Variants in EYA4 observed in about 807,000 individuals in gnomAD.
EYA4 encodes EYA transcriptional coactivator and phosphatase 4.
Under a neutral mutation model 87.9 loss-of-function variants are expected in EYA4, and 31 were observed. The ratio of observed to expected loss-of-function variants is 0.35; its 90% CI spans 0.27 to 0.48. EYA4 has a LOEUF of 0.48. Among genes scored for constraint, EYA4 ranks in the 20% least tolerant of loss-of-function variants. The pLI is 0.99. For missense variants in EYA4, 678 were observed against 761.4 expected (o/e 0.89, Z 1.29); for synonymous variants, 263 against 270.6 (o/e 0.97, Z 0.28).
intron 2 of EYA4, among the ~76,000 whole-genome samples, chr6:133,301,824 C>A (rs1250894526): frequency 6.6e-6 from 1 of 152,130 alleles, no homozygotes; most frequent in African/African-American, 2.4e-5. Context: ...TGCCAGTTTG[C>A]ATTTTGAAGG....
intron 2 of EYA4, among the ~76,000 whole-genome samples, chr6:133,328,991 G>T (rs150893427): frequency 6.6e-6 from 1 of 152,184 alleles, no homozygotes; most frequent in Admixed American, 6.5e-5. Flanking sequence ...GTGTTTCTGT[G>T]TATCTTTTTT....
chr6:133,531,147 G>A lies in EYA4; in HGVS notation c.*2342G>A, dbSNP rs1292491373. 7 of 1,530,944 alleles carry A rather than the reference G, an allele frequency of 4.6e-6. No homozygotes were observed. The highest frequency in any genetic ancestry group is 2.0e-5 in the Admixed American group (1 of 50,448). 94.8% of individuals were successfully genotyped at this position (1,530,944 alleles called of 1,614,324 possible). A position where few individuals can be genotyped will look rare whatever the true frequency, so the allele number is the denominator to read the frequency against. On this transcript the variant is annotated 3_prime_UTR_variant, in exon 20 of 20. Transcript: ENST00000355286. The stretch of plus-strand genomic sequence containing the variant: ...CCCCTTGGAAGGGCAAAGAGAAGCC[G>A]GCTGGTTGCATCACCCCGTGCAGTT...
At chr6:133,448,857 G>A (rs1793123476) in intron 5 of EYA4, among the ~76,000 whole-genome samples, 1 of 151,962 alleles carries the variant, frequency 6.6e-6, no homozygotes, top group African/African-American at 2.4e-5. Flanking sequence ...TCACATTTTT[G>A]TGGCACCACC....
At chr6:133,506,998 T>G (rs1798693289) in intron 14 of EYA4, among the ~76,000 whole-genome samples, 1 of 151,186 alleles carries the variant, frequency 6.6e-6, no homozygotes, top group Admixed American at 6.6e-5. Flanking sequence ...TCTTTCATTT[T>G]TTTTCAGATG....
chr6:133,297,725 G>A (rs545722912), intron 2 of EYA4, among the ~76,000 whole-genome samples: 3 of 152,138 alleles, frequency 2.0e-5, no homozygotes, highest in Non-Finnish European at 4.4e-5. Context: ...CTTCATTTTT[G>A]TATAATATTT....
chr6:133,301,513 A>G (rs1479975802), intron 2 of EYA4, among the ~76,000 whole-genome samples: 1 of 152,240 alleles, frequency 6.6e-6, no homozygotes, highest in Non-Finnish European at 1.5e-5. Flanking sequence ...ATAGCTGCAC[A>G]TATGATATTA....
At chr6:133,317,242 C>T (rs1335439694) in intron 2 of EYA4, among the ~76,000 whole-genome samples, 1 of 152,178 alleles carries the variant, frequency 6.6e-6, no homozygotes, top group Non-Finnish European at 1.5e-5. Flanking sequence ...CCTGTAATTA[C>T]CACAGGACAG....
chr6:133,373,598 A>G (rs1210064929), intron 2 of EYA4, among the ~76,000 whole-genome samples: 1 of 152,092 alleles, frequency 6.6e-6, no homozygotes, highest in Non-Finnish European at 1.5e-5. Context: ...CATTATGATC[A>G]TTAAGTGATA....
At chr6:133,366,253 T>G (rs183624717) in intron 2 of EYA4, among the ~76,000 whole-genome samples, 45 of 152,366 alleles carry the variant, frequency 3.0e-4, no homozygotes, top group Non-Finnish European at 5.0e-4. Flanking sequence ...TGAAACATTT[T>G]GGACGGTAAA....
chr6:133,370,465 C>A (rs187538502), intron 2 of EYA4, among the ~76,000 whole-genome samples: 12 of 152,282 alleles, frequency 7.9e-5, no homozygotes, highest in Non-Finnish European at 1.6e-4. Flanking sequence ...TACATAGGAA[C>A]TGAGCAAGCC....
chr6:133,433,190 ATTAAAT>A (rs1396666497), intron 3 of EYA4, among the ~76,000 whole-genome samples: 2 of 152,212 alleles, frequency 1.3e-5, no homozygotes, highest in African/African-American at 4.8e-5. Flanking sequence ...TTCTCAAATG[ATTAAAT>A]TTAAATAATT....
At chr6:133,273,895 TTG>T (rs143246060) in intron 1 of EYA4, among the ~76,000 whole-genome samples, 2 of 151,732 alleles carry the variant, frequency 1.3e-5, no homozygotes, top group Admixed American at 6.6e-5. Context: ...TTAATTTTCA[TTG>T]TGTGTGTGTG....
At chr6:133,362,931 C>CCTCT (rs1784563969) in intron 2 of EYA4, among the ~76,000 whole-genome samples, 1 of 152,188 alleles carries the variant, frequency 6.6e-6, no homozygotes, top group Admixed American at 6.5e-5. Flanking sequence ...TTCTTACATG[C>CCTCT]CTCTCTCCAA....
intron 1 of EYA4, chr6:133,248,151 T>A (rs189150200): frequency 6.6e-6 from 1 of 152,354 alleles, no homozygotes; most frequent in East Asian, 1.9e-4. Flanking sequence ...AGGTTGACTT[T>A]ATTAATTAGA....
intron 1 of EYA4, among the ~76,000 whole-genome samples, chr6:133,245,775 G>A (rs1226246954): frequency 1.3e-5 from 2 of 152,188 alleles, no homozygotes; most frequent in African/African-American, 2.4e-5. Context: ...GGAAGAAAAT[G>A]AACAAGAGTT....
chr6:133,464,170 C>T (rs966318483), intron 9 of EYA4, among the ~76,000 whole-genome samples: 1 of 151,922 alleles, frequency 6.6e-6, no homozygotes, highest in African/African-American at 2.4e-5. Context: ...TGTTTTTGCC[C>T]TGATTTGAGA....
chr6:133,251,358 T>C (rs1382779862), intron 1 of EYA4, among the ~76,000 whole-genome samples: 2 of 152,340 alleles, frequency 1.3e-5, no homozygotes, highest in East Asian at 3.9e-4. Flanking sequence ...TAGCTTTACA[T>C]ATTGCTATGA....
At chr6:133,510,585 G>GT in intron 14 of EYA4, 1 of 253,996 alleles carries the variant, frequency 3.9e-6, no homozygotes, top group Non-Finnish European at 7.9e-6. Context: ...TTTACTGGAT[G>GT]TTTTTCAGGA....
intron 14 of EYA4, chr6:133,510,364 A>C (rs760147110): frequency 4.3e-5 from 9 of 206,972 alleles, no homozygotes; most frequent in Non-Finnish European, 8.3e-5. Context: ...TTCATGTGAC[A>C]CCATTTCAAT....
Sources: gnomAD v4.1 joint callset for allele counts (sites outside exome capture counted in the v4.1 genomes callset) on GRCh38, gnomAD v4.1.1 for gene constraint, MANE v1.5 for transcripts, NCBI Gene and HGNC (gene_info 2026-07-23, HGNC 2026-07-21) for gene names.